The following TBX19 variants were observed in gnomAD, a reference collection of about 807,000 sequenced individuals.
TBX19 encodes the protein T-box transcription factor 19.
A neutral mutation model predicts 40.9 loss-of-function variants in TBX19; 33 were observed. The observed-to-expected ratio is 0.81, with a 90% confidence interval of 0.61 to 1.08. The LOEUF (loss-of-function observed/expected upper bound fraction) is 1.08. TBX19 is among the 50% of genes least tolerant of loss of function. The pLI is 0.00. For missense variants in TBX19, 494 were observed against 574.0 expected, an observed-to-expected ratio of 0.86 and a Z score of 1.42; for synonymous variants, 220 against 225.0, an observed-to-expected ratio of 0.98 and a Z score of 0.20.
At chr1:168,292,863 CAA>C (rs751123603) in intron 2 of TBX19, among the ~76,000 whole-genome samples, 118 of 32,846 alleles carry the variant, frequency 3.6e-3, no homozygotes, top group African/African-American at 9.1e-3. Flanking sequence ...GACTCCGTCT[CAA>C]AAAAAAAAAA....
intron 1 of TBX19, among the ~76,000 whole-genome samples, chr1:168,288,420 C>T (rs1290912604): frequency 6.6e-6 from 1 of 152,080 alleles, no homozygotes; most frequent in Admixed American, 6.6e-5. Flanking sequence ...AACAATCTTG[C>T]GGTTAGGCAC....
intron 1 of TBX19, among the ~76,000 whole-genome samples, chr1:168,285,778 G>A (rs1347211885): frequency 6.6e-6 from 1 of 152,114 alleles, no homozygotes; most frequent in Non-Finnish European, 1.5e-5. Context: ...AAAAAAATGG[G>A]GAAAAAAATC....
rs1649591551 is a variant in TBX19, at chr1:168,314,287, G to T, written c.*1285G>T. The T allele has an allele frequency of 6.5e-6, 1 of 152,772 alleles. No homozygotes were observed. The highest frequency in any genetic ancestry group is 1.5e-5 in the Non-Finnish European group (1 of 68,186). The allele number at this position is 152,772 out of a possible 1,614,324, so 9.5% of individuals were successfully genotyped here. ...TCACCTCATTTTGCCTTGTATTTTT[G>T]TTACCTGTGAGTGTGTCTCTCCCTA... On this transcript the variant is annotated 3_prime_UTR_variant, in exon 8 of 8. Coordinates refer to ENST00000367821, the MANE Select transcript of TBX19 (RefSeq NM_005149.3).
Position 168,308,798 on chromosome 1 carries a change from T to G in TBX19, c.973T>G (p.Trp325Gly), listed in dbSNP as rs1169306041. 6.2e-7 allele frequency: 1 copy of G among 1,614,158 alleles called. No individual in the cohort carries two copies. The highest frequency in any genetic ancestry group is 1.3e-5 in the African/African-American group (1 of 75,030). Residue 325 changes from tryptophan (W) to glycine (G), a missense_variant, in exon 7 of 8, where the codon TGG (tryptophan) becomes GGG (glycine). Physicochemically the swap from Trp to Gly is radical, Grantham distance 184. Transcript: ENST00000367821. ...NLQVFSGPDS[W>G]TSLSSTPHAS... ...GCAAGTTTTCTCGGGACCTGACAGC[T>G]GGACTTCCTTATCCTCCACACCCCA...
rs1649337029 is a variant in TBX19, at chr1:168,303,732, A to C, written c.728-1276A>C. 2.0e-5 allele frequency among the ~76,000 whole-genome samples: 3 copies of C among 152,172 alleles called. No individual in the cohort carries two copies. The South Asian group carries it at 6.2e-4, about 32-fold the overall frequency. On this transcript the variant is annotated intron_variant, in intron 5 of 7. Coordinates refer to ENST00000367821, the MANE Select transcript of TBX19 (RefSeq NM_005149.3). ...TGGATTATTCATAAGTTTTTCAGGA[A>C]AGGGGCGGGCAATTCCCACAGCTGA...
In TBX19 at chr1:168,305,014, G is replaced by A; in HGVS notation, c.734G>A (p.Gly245Asp). The A allele has an allele frequency of 6.2e-7, 1 of 1,613,968 alleles. No individual in the cohort carries two copies. The highest frequency in any genetic ancestry group is 1.1e-5 in the South Asian group (1 of 91,080). The change falls in exon 6 of 8, where the codon GGC becomes GAC. Residue 245 changes from glycine (G) to aspartate (D), a missense_variant. By Grantham distance (94) the Gly-to-Asp change is moderately conservative. Coordinates refer to ENST00000367821, the MANE Select transcript of TBX19 (RefSeq NM_005149.3). ...SQHVTYSHLG[G>D]WIFSNPDGVC... ...TTCCTCTTGTCTATTTTAGTGGGAG[G>A]CTGGATCTTTTCCAATCCAGATGGA...
chr1:168,291,911 A>G (rs1000066935), intron 2 of TBX19, among the ~76,000 whole-genome samples: 7 of 152,150 alleles, frequency 4.6e-5, no homozygotes, highest in Non-Finnish European at 8.8e-5. Flanking sequence ...GGAAAAAAAA[A>G]TCCAAACAAA....
At chr1:168,287,067 A>G (rs533534680) in intron 1 of TBX19, among the ~76,000 whole-genome samples, 188 of 152,360 alleles carry the variant, frequency 1.2e-3, no homozygotes, top group African/African-American at 4.3e-3. Flanking sequence ...GAAAGCCATT[A>G]CACATTTTCT....
At position 168,293,291 on chromosome 1, in the gene TBX19, G is replaced by GTGTT. The variant is rs1558191107; in HGVS notation, c.603+16_603+17insTTGT. On this transcript the variant is annotated intron_variant, in intron 3 of 7. Transcript: ENST00000367821. ...TCAGAATGAGGAGGTAAGAGTGTGT[G>GTGTT]TGTGTGTGTGTGTGTGTGTGTGTGT... 17 of 1,157,596 alleles carry GTGTT rather than the reference G, an allele frequency of 1.5e-5. No homozygotes were observed. The African/African-American group carries it at 4.3e-4, about 29-fold the overall frequency. 71.7% of individuals were successfully genotyped at this position (1,157,596 alleles called of 1,614,324 possible). A position where few individuals can be genotyped will look rare whatever the true frequency, so the allele number is the denominator to read the frequency against.
intron 1 of TBX19, among the ~76,000 whole-genome samples, chr1:168,289,141 C>T (rs952889367): frequency 6.6e-6 from 1 of 152,188 alleles, no homozygotes; most frequent in Admixed American, 6.5e-5. Flanking sequence ...CTCGTATAAA[C>T]GGGTCTGACT....
At chr1:168,300,551 A>AG (rs1649253508) in intron 5 of TBX19, 68 bp downstream of exon 5, 4 of 1,446,392 alleles carry the variant, frequency 2.8e-6, no homozygotes, top group Non-Finnish European at 3.9e-6. Context: ...TTCCACACTC[A>AG]GACTCTTTGC....
chr1:168,289,791 T>TA (rs1408524654), intron 1 of TBX19, among the ~76,000 whole-genome samples: 1 of 152,190 alleles, frequency 6.6e-6, no homozygotes, highest in Non-Finnish European at 1.5e-5. Context: ...TCCAAAATCT[T>TA]ACCTTAGGCA....
At chr1:168,282,344 A>C (rs1648679688) in intron 1 of TBX19, among the ~76,000 whole-genome samples, 1 of 152,222 alleles carries the variant, frequency 6.6e-6, no homozygotes, top group African/African-American at 2.4e-5. Context: ...ACAGTATAGA[A>C]AATGAACTAT....
Position 168,300,484 on chromosome 1 carries a change from G to A in TBX19, c.727+1G>A, listed in dbSNP as rs757772644. On this transcript the variant is annotated splice_donor_variant, in intron 5 of 7. Coordinates refer to ENST00000367821, the MANE Select transcript of TBX19 (RefSeq NM_005149.3). LOFTEE classifies it high-confidence loss of function. ...AGCCAGCATGTGACCTATTCTCACT[G>A]TGAGTTGGGTGTACATGAGGCGGGA... is the stretch of plus-strand genomic sequence containing the variant. The A allele has an allele frequency of 5.0e-6, 8 of 1,613,924 alleles. No homozygotes were observed. The Admixed American group carries it at 6.7e-5, about 13-fold the overall frequency.
chr1:168,297,657 AC>A, intron 3 of TBX19, 66 bp from the exon 4 acceptor site: 1 of 1,422,672 alleles, frequency 7.0e-7, no homozygotes. Context: ...TTTACAGAAG[AC>A]AAAGGGTTCT....
Position 168,313,256 on chromosome 1 carries a change from C to CAGAAGTTTGTTA in TBX19, c.*257_*268dup, listed in dbSNP as rs919187479. The CAGAAGTTTGTTA allele has an allele frequency of 3.6e-6, 2 of 561,212 alleles. No homozygotes were observed. Among genetic ancestry groups the CAGAAGTTTGTTA allele is most frequent in the Admixed American group, 6.1e-5 (2 of 32,692 alleles). The allele number at this position is 561,212 out of a possible 1,614,324, so 34.8% of individuals were successfully genotyped here. On this transcript the variant is annotated 3_prime_UTR_variant, in exon 8 of 8. Transcript: ENST00000367821. ...GCTTATTCTTGCCATGCTTAGGTGA[C>CAGAAGTTTGTTA]AGAAGTTTGTTAAGTACCATCCTTG...
In TBX19 at chr1:168,293,284, AGTGT is replaced by A. The variant is rs57039241; in HGVS notation, c.603+45_603+48del. 13,849 of 1,310,178 alleles carry A rather than the reference AGTGT, an allele frequency of 0.011. 6 individuals carry two copies. Among genetic ancestry groups the A allele is most frequent in the African/African-American group, 0.02 (1,056 of 52,330 alleles). The allele number at this position is 1,310,178 out of a possible 1,614,324, so 81.2% of individuals were successfully genotyped here. Reference sequence around the variant, plus strand: ...CTGCCTATCAGAATGAGGAGGTAAGAGTGTGTGTGTGTGTGTGTGTGTGTGTGTG... The same window carrying A: ...CTGCCTATCAGAATGAGGAGGTAAGAGTGTGTGTGTGTGTGTGTGTGTGTG... On this transcript the variant is annotated splice_region_variant and intron_variant, in intron 3 of 7. Transcript: ENST00000367821.
Position 168,281,627 on chromosome 1 carries a change from C to T in TBX19, c.203+334C>T, listed in dbSNP as rs533718281. 5.3e-5 allele frequency among the ~76,000 whole-genome samples: 8 copies of T among 152,338 alleles called. No individual in the cohort carries two copies. In the South Asian group the frequency reaches 1.2e-3, roughly 24 times the overall value. ...ATTTGTGACTAGCTGCATACCCTAT[C>T]GCAGACCTGAGCCCCAACTCCGTCC... On this transcript the variant is annotated intron_variant, in intron 1 of 7. Transcript: ENST00000367821.
chr1:168,298,691 TTTCC>T (rs887033123), intron 4 of TBX19, among the ~76,000 whole-genome samples: 1 of 150,178 alleles, frequency 6.7e-6, no homozygotes, highest in Non-Finnish European at 1.5e-5. Flanking sequence ...TCTTTCTTCC[TTTCC>T]TTCCTTCCTT....
Sources: gnomAD v4.1 joint callset for allele counts (sites outside exome capture counted in the v4.1 genomes callset) on GRCh38, gnomAD v4.1.1 for gene constraint, MANE v1.5 for transcripts, NCBI Gene and HGNC (gene_info 2026-07-23, HGNC 2026-07-21) for gene names.